The following MYLK variants were observed in gnomAD, a reference collection of about 807,000 sequenced individuals.
The protein encoded by MYLK is myosin light chain kinase, also known as myosin light chain kinase, smooth muscle.
MYLK carries 106 observed loss-of-function variants against 203.4 expected under a neutral mutation model. That is an observed-to-expected ratio of 0.52 (90% confidence interval 0.45 to 0.61). The LOEUF is 0.61. MYLK is among the 20% of genes least tolerant of loss of function. The pLI is 0.00. For missense variants in MYLK, 2,072 were observed against 2,442.3 expected, an observed-to-expected ratio of 0.85 and a Z score of 3.20; for synonymous variants, 867 against 959.5, an observed-to-expected ratio of 0.90 and a Z score of 1.78.
chr3:123,681,920 T>C (rs1470986945), intron 20 of MYLK: 2 of 428,782 alleles, frequency 4.7e-6, no homozygotes, highest in Non-Finnish European at 8.7e-6. Flanking sequence ...CCTAGAGTCT[T>C]GGTGGGAAGT....
chr3:123,630,255 C>T (rs1245017911), intron 29 of MYLK, among the ~76,000 whole-genome samples: 1 of 152,214 alleles, frequency 6.6e-6, no homozygotes, highest in Non-Finnish European at 1.5e-5. Context: ...AGCCTCTCCG[C>T]TTGCTGTATG....
In MYLK at chr3:123,749,712, T is replaced by C. The variant is rs759801637; in HGVS notation, c.373+2619A>G. On this transcript the variant is annotated intron_variant, in intron 5 of 33. Coordinates refer to ENST00000360304, the MANE Select transcript of MYLK (RefSeq NM_053025.4). ...TGCTACTTCCTACTAGCTGTGCTTA[T>C]CCTTGTACCACACTGTGGGGCAGCC... Among the ~76,000 whole-genome samples, 77 of 152,338 alleles carry C rather than the reference T, an allele frequency of 5.1e-4. 2 individuals are homozygous for C. Among genetic ancestry groups the C allele is most frequent in the Admixed American group, 2.6e-4 (4 of 15,300 alleles).
At chr3:123,843,890 CTAAG>C (rs1355918723) in intron 2 of MYLK, among the ~76,000 whole-genome samples, 1 of 152,152 alleles carries the variant, frequency 6.6e-6, no homozygotes, top group African/African-American at 2.4e-5. Context: ...TGCTTCTGCT[CTAAG>C]TGAGAGGGCT....
intron 1 of MYLK, among the ~76,000 whole-genome samples, chr3:123,883,818 C>G (rs1445319747): frequency 1.3e-5 from 2 of 152,130 alleles, no homozygotes; most frequent in Non-Finnish European, 2.9e-5. Context: ...CCCGGAATCA[C>G]ATTTGGGCTG....
chr3:123,758,598 G>T (rs2063435064), intron 4 of MYLK, among the ~76,000 whole-genome samples: 1 of 152,060 alleles, frequency 6.6e-6, no homozygotes. Context: ...CTCGACATCT[G>T]CAAGGCTGAG....
intron 4 of MYLK, among the ~76,000 whole-genome samples, chr3:123,770,954 A>G (rs2063862337): frequency 6.6e-6 from 1 of 152,250 alleles, no homozygotes. Context: ...CTGGAGAACC[A>G]TCTGGCTGGG....
At chr3:123,829,827 A>C (rs537169672) in intron 3 of MYLK, among the ~76,000 whole-genome samples, 2 of 152,248 alleles carry the variant, frequency 1.3e-5, no homozygotes, top group African/African-American at 4.8e-5. Flanking sequence ...ACTTTAAGGG[A>C]CTCACAAAGA....
At chr3:123,709,914 C>A (rs373544218) in intron 13 of MYLK, 21 bp from the exon 14 acceptor site, 1 of 1,613,534 alleles carries the variant, frequency 6.2e-7, no homozygotes, top group Non-Finnish European at 8.5e-7. Flanking sequence ...GAAAACAGAA[C>A]GTGGGGTGAA....
intron 3 of MYLK, among the ~76,000 whole-genome samples, chr3:123,811,422 T>G (rs775030355): frequency 1.3e-5 from 2 of 152,084 alleles, no homozygotes; most frequent in African/African-American, 2.4e-5. Flanking sequence ...TGGAATCCTA[T>G]TGGAGAAAAC....
intron 3 of MYLK, among the ~76,000 whole-genome samples, chr3:123,826,574 C>A (rs376735713): frequency 1.3e-5 from 2 of 152,372 alleles, no homozygotes; most frequent in South Asian, 4.1e-4. Context: ...GCCCCACAGA[C>A]CACTCCTGAC....
At chr3:123,734,510 C>T (rs891648745) in intron 9 of MYLK, 13 of 348,946 alleles carry the variant, frequency 3.7e-5, no homozygotes, top group Admixed American at 2.1e-4. Context: ...CCTCTGCCAC[C>T]GGTGTCCCGT....
At chr3:123,881,285 G>C (rs1424468185) in intron 1 of MYLK, among the ~76,000 whole-genome samples, 1 of 152,156 alleles carries the variant, frequency 6.6e-6, no homozygotes, top group Non-Finnish European at 1.5e-5. Context: ...CCCTGCTCAG[G>C]CCTAAGCATC....
intron 13 of MYLK, among the ~76,000 whole-genome samples, chr3:123,713,834 T>C (rs2061798020): frequency 6.6e-6 from 1 of 152,152 alleles, no homozygotes; most frequent in African/African-American, 2.4e-5. Context: ...TCCAAACTTA[T>C]GGCAACATAA....
chr3:123,776,514 C>G (rs1214233577), intron 4 of MYLK, among the ~76,000 whole-genome samples: 1 of 151,982 alleles, frequency 6.6e-6, no homozygotes, highest in Non-Finnish European at 1.5e-5. Flanking sequence ...TAAAAGGAAA[C>G]GTTGGAAACC....
intron 3 of MYLK, among the ~76,000 whole-genome samples, chr3:123,807,783 T>C (rs1360626608): frequency 1.3e-5 from 2 of 152,234 alleles, no homozygotes; most frequent in Non-Finnish European, 2.9e-5. Context: ...GAAATCTCTG[T>C]GTTCTCTCCA....
rs1195387502 is a variant in MYLK, at chr3:123,708,698, C to T, written c.2140G>A (p.Glu714Lys). The T allele has an allele frequency of 1.2e-6, 2 of 1,614,076 alleles. No individual in the cohort carries two copies. ...VRTQAVLTVQ[E>K]PHDGTQPWFI... Reference sequence around the variant, plus strand: ...CTCGCTCTGAGTGGGTCAGCCTCACCTTGTACCGTGAGCACGGCCTGGGTG... The same window carrying T: ...CTCGCTCTGAGTGGGTCAGCCTCACTTTGTACCGTGAGCACGGCCTGGGTG... Residue 714 changes from glutamate to lysine, a missense_variant and splice_region_variant, in exon 15 of 34, where the codon GAG (glutamate) becomes AAG (lysine). This residue lies in a region of MYLK where 865 missense variants were observed against 1,016.0 expected (regional missense o/e 0.85). Coordinates refer to ENST00000360304, the MANE Select transcript of MYLK (RefSeq NM_053025.4).
At chr3:123,644,156 A>AT (rs2058933954) in intron 27 of MYLK, among the ~76,000 whole-genome samples, 2 of 152,202 alleles carry the variant, frequency 1.3e-5, no homozygotes, top group Admixed American at 6.5e-5. Context: ...CCATTATTCT[A>AT]TCCCCAGGCA....
chr3:123,821,289 C>T (rs9829784), intron 3 of MYLK, among the ~76,000 whole-genome samples: 24,490 of 152,086 alleles, frequency 0.16, 2,494 homozygotes, highest in Non-Finnish European at 0.23. Context: ...TTAAGCAGGG[C>T]AGGGTATCCC....
chr3:123,638,713 C>G, intron 28 of MYLK: 1 of 981,714 alleles, frequency 1.0e-6, no homozygotes, highest in Non-Finnish European at 1.2e-6. Context: ...TAGTCCAACT[C>G]CTGAGCCATG....
Sources: allele counts gnomAD v4.1 joint callset (sites outside exome capture counted in the v4.1 genomes callset), GRCh38; gene constraint gnomAD v4.1.1; regional missense constraint gnomAD v4.1.1; transcripts MANE v1.5; gene names NCBI Gene and HGNC (gene_info 2026-07-23, HGNC 2026-07-21).